DIAPH3: variants seen among roughly 807,000 people sequenced by gnomAD.
The protein encoded by DIAPH3 is protein diaphanous homolog 3.
In DIAPH3, 117 loss-of-function variants were observed where a neutral mutation model predicts 144.3. The observed-to-expected ratio is 0.81, with a 90% confidence interval of 0.70 to 0.95. DIAPH3 has a LOEUF of 0.95. Ranked by LOEUF, DIAPH3 falls within the 40% of genes least tolerant of loss-of-function variation. The pLI, the probability that DIAPH3 is intolerant of heterozygous loss-of-function variation, is 0.00. For missense variants in DIAPH3, 1,421 were observed against 1,412.7 expected (o/e 1.01, Z -0.09); for synonymous variants, 519 against 488.9 (o/e 1.06, Z -0.81).
At chr13:59,858,421 G>A (rs1203958083) in intron 22 of DIAPH3, among the ~76,000 whole-genome samples, 2 of 152,040 alleles carry the variant, frequency 1.3e-5, no homozygotes, top group Non-Finnish European at 2.9e-5. Flanking sequence ...ACTCAATAAA[G>A]GCTTGTTAAG....
rs2043375659 is a variant in DIAPH3 at position 59,858,348 on chromosome 13, G to A, written c.2737+3059C>T. 2.0e-5 allele frequency among the ~76,000 whole-genome samples: 3 copies of A among 152,120 alleles called. 1 individual carries two copies. In the South Asian group the frequency reaches 6.2e-4, roughly 31 times the overall value. On this transcript the variant is annotated intron_variant, in intron 22 of 27. Transcript: ENST00000400324. ...AGTGAGACAGATTGGGTTTCACTAA[G>A]ACACAGACACTACACCTGAACCAAG...
chr13:59,774,253 T>TAA lies in DIAPH3; in HGVS notation c.3260-7_3260-6dup. The TAA allele has an allele frequency of 5.2e-6, 7 of 1,335,762 alleles. No individual in the cohort carries two copies. The highest frequency in any genetic ancestry group is 7.2e-6 in the Non-Finnish European group (7 of 976,382). The allele number at this position is 1,335,762 out of a possible 1,614,324, so 82.7% of individuals were successfully genotyped here. A position where few individuals can be genotyped will look rare whatever the true frequency, so the allele number is the denominator to read the frequency against. On this transcript the variant is annotated splice_region_variant and splice_polypyrimidine_tract_variant and intron_variant, in intron 26 of 27. Transcript: ENST00000400324. ...GACTGAGACTCTGCCGAACATCTGTTAAAAAAAAAAATAAAATAAACTTAA... is the reference window on the plus strand; with the variant it reads ...GACTGAGACTCTGCCGAACATCTGTTAAAAAAAAAAAAATAAAATAAACTTAA...
chr13:60,060,720 T>G (rs985091299), intron 4 of DIAPH3, among the ~76,000 whole-genome samples: 7 of 152,232 alleles, frequency 4.6e-5, no homozygotes, highest in African/African-American at 1.7e-4. Context: ...TATAAATACT[T>G]CTTAAATAAA....
rs953480970 is a variant in DIAPH3 at position 60,156,785 on chromosome 13, G to T, written c.180+6802C>A. Among the ~76,000 whole-genome samples the T allele has an allele frequency of 5.3e-5, 8 of 151,046 alleles. No homozygotes were observed. In the East Asian group the frequency reaches 1.4e-3, roughly 26 times the overall value. On this transcript the variant is annotated intron_variant, in intron 1 of 27. Transcript: ENST00000400324. ...AGCCCTAACAATGCTTTCTTTCTCA[G>T]ATTAGTATCATAAGCTCCAAACAGA... is the stretch of plus-strand genomic sequence containing the variant.
intron 20 of DIAPH3, among the ~76,000 whole-genome samples, chr13:59,909,602 A>C (rs1052946571): frequency 2.0e-5 from 3 of 152,238 alleles, no homozygotes. Context: ...CACAGAAACC[A>C]GAACCGAAAA....
At chr13:59,823,813 C>T (rs953034009) in intron 24 of DIAPH3, among the ~76,000 whole-genome samples, 1 of 152,082 alleles carries the variant, frequency 6.6e-6, no homozygotes, top group Non-Finnish European at 1.5e-5. Flanking sequence ...GCTGTCCTCC[C>T]TATCAAAAAC....
intron 21 of DIAPH3, among the ~76,000 whole-genome samples, chr13:59,875,157 T>C (rs980781538): frequency 1.3e-5 from 2 of 152,178 alleles, no homozygotes; most frequent in East Asian, 1.9e-4. Flanking sequence ...GATAAGCATC[T>C]ACCATCTGCC....
At chr13:59,712,364 T>A (rs534129091) in intron 27 of DIAPH3, among the ~76,000 whole-genome samples, 8 of 152,190 alleles carry the variant, frequency 5.3e-5, no homozygotes, top group Admixed American at 1.3e-4. Context: ...AACAAGAGAC[T>A]CATCTGTCTG....
chr13:60,020,735 T>C (rs1210559172), intron 5 of DIAPH3, among the ~76,000 whole-genome samples: 1 of 152,136 alleles, frequency 6.6e-6, no homozygotes, highest in African/African-American at 2.4e-5. Flanking sequence ...CAAAACTGAA[T>C]AAAATATGTT....
chr13:59,938,303 C>T (rs2048356575), intron 17 of DIAPH3, among the ~76,000 whole-genome samples: 1 of 152,078 alleles, frequency 6.6e-6, no homozygotes, highest in Non-Finnish European at 1.5e-5. Flanking sequence ...GTGTTGTGTA[C>T]ATCCTATATA....
chr13:59,697,348 T>C (rs969995257), intron 27 of DIAPH3, among the ~76,000 whole-genome samples: 1 of 150,696 alleles, frequency 6.6e-6, no homozygotes, highest in African/African-American at 2.4e-5. Flanking sequence ...TAGTGCCAGC[T>C]GCTCAGGAGG....
chr13:60,043,515 T>G (rs574305399), intron 4 of DIAPH3, among the ~76,000 whole-genome samples: 1 of 152,014 alleles, frequency 6.6e-6, no homozygotes, highest in East Asian at 1.9e-4. Context: ...CACGTACACA[T>G]GCAGAGAAAA....
In DIAPH3 at chr13:59,969,992, C is replaced by T. The variant is rs200920639; in HGVS notation, c.2026G>A (p.Val676Met). Residue 676 changes from valine (V) to methionine (M), a missense_variant, in exon 17 of 28, where the codon GTG (valine) becomes ATG (methionine). Physicochemically the swap from Val to Met is conservative, Grantham distance 21. Transcript: ENST00000400324. The stretch of plus-strand genomic sequence containing the variant: ...TTCTCAAGTTTACAAAGCAAATCCA[C>T]GTTTTCATACTTATTTTCATTTACT... ...IKVNENKYEN[V>M]DLLCKLENTF... The T allele has an allele frequency of 7.3e-5, 117 of 1,609,810 alleles. No individual in the cohort carries two copies. The highest frequency in any genetic ancestry group is 3.3e-4 in the Middle Eastern group (2 of 6,036).
intron 3 of DIAPH3, among the ~76,000 whole-genome samples, chr13:60,103,685 A>G (rs535695234): frequency 6.6e-6 from 1 of 152,334 alleles, no homozygotes; most frequent in East Asian, 1.9e-4. Context: ...TAGGGGTTAA[A>G]GCCAACATAA....
intron 27 of DIAPH3, among the ~76,000 whole-genome samples, chr13:59,688,353 A>G (rs1295044600): frequency 6.6e-6 from 1 of 152,070 alleles, no homozygotes; most frequent in Non-Finnish European, 1.5e-5. Context: ...TGACCTATTG[A>G]TGGTAAAAGT....
At chr13:60,117,182 T>G (rs542159901) in intron 2 of DIAPH3, among the ~76,000 whole-genome samples, 3 of 152,030 alleles carry the variant, frequency 2.0e-5, no homozygotes, top group Admixed American at 6.6e-5. Flanking sequence ...GCTTAGCACC[T>G]AAAACTCTGG....
chr13:60,030,466 C>T lies in DIAPH3; in HGVS notation c.626+12224G>A, dbSNP rs970182741. On this transcript the variant is annotated intron_variant, in intron 5 of 27. Transcript: ENST00000400324. ...AAAAACACTTGAAATACCTGCTCTCCTGTCTTGCAAATGAGCAGTACAGGC... is the reference window on the plus strand; with the variant it reads ...AAAAACACTTGAAATACCTGCTCTCTTGTCTTGCAAATGAGCAGTACAGGC... Among the ~76,000 whole-genome samples the T allele has an allele frequency of 4.5e-4, 69 of 152,126 alleles. 1 individual carries two copies. Among genetic ancestry groups the T allele is most frequent in the Non-Finnish European group, 9.4e-4 (64 of 68,024 alleles).
At chr13:59,774,643 C>T in intron 26 of DIAPH3, 85 bp downstream of exon 26, 1 of 1,349,470 alleles carries the variant, frequency 7.4e-7, no homozygotes, top group Non-Finnish European at 1.1e-6. Context: ...ATTCTTGACA[C>T]ACAACTTCAA....
intron 27 of DIAPH3, among the ~76,000 whole-genome samples, chr13:59,734,215 G>C (rs73208922): frequency 9.1e-4 from 138 of 152,138 alleles, no homozygotes; most frequent in Non-Finnish European, 1.6e-3. Flanking sequence ...TTAAACTCAT[G>C]TTCCCATCAA....
Sources: allele counts gnomAD v4.1 joint callset (sites outside exome capture counted in the v4.1 genomes callset), GRCh38; gene constraint gnomAD v4.1.1; transcripts MANE v1.5; gene names NCBI Gene and HGNC (gene_info 2026-07-23, HGNC 2026-07-21).